Variants in AGXT2 observed in about 807,000 individuals in gnomAD.
AGXT2 encodes the protein alanine--glyoxylate aminotransferase 2.
In AGXT2, 61 loss-of-function variants were observed where a neutral mutation model predicts 62.5. The ratio of observed to expected loss-of-function variants is 0.98; its 90% confidence interval spans 0.79 to 1.21. The LOEUF (loss-of-function observed/expected upper bound fraction) is 1.21, where lower values mean the gene tolerates loss of function less well. Ranked by LOEUF, AGXT2 falls within the 50% of genes most tolerant of loss-of-function variation. The pLI, the probability that AGXT2 is intolerant of heterozygous loss-of-function variation, is 0.00. For synonymous variants in AGXT2, 243 were observed against 218.7 expected (o/e 1.11, Z -0.98); for missense variants, 666 against 641.5 (o/e 1.04, Z -0.41).
chr5:35,032,837 A>C lies in AGXT2; in HGVS notation c.676-12T>G. On this transcript the variant is annotated splice_polypyrimidine_tract_variant and intron_variant, in intron 6 of 13. Coordinates refer to ENST00000231420, the MANE Select transcript of AGXT2 (RefSeq NM_031900.4). ...TCTGGACACATTGTCTGCAAATGAC[A>C]AAAGAAGGAGTGTGGCAAAGCATGA... 6.3e-7 allele frequency: 1 copy of C among 1,593,232 alleles called. No homozygotes were observed. Among genetic ancestry groups the C allele is most frequent in the Non-Finnish European group, 8.6e-7 (1 of 1,167,922 alleles).
chr5:35,045,751 C>CTTTTTCT (rs1412875660), intron 1 of AGXT2, among the ~76,000 whole-genome samples: 3 of 133,226 alleles, frequency 2.3e-5, no homozygotes, highest in Admixed American at 7.8e-5. Flanking sequence ...TGGTTTTTTT[C>CTTTTTCT]TTTTTCTTTT....
At position 34,998,784 on chromosome 5, in the gene AGXT2, C is replaced by T. The variant is rs1766122106; in HGVS notation, c.1480G>A (p.Val494Ile). ...APSMCITKPE[V>I]DFAVEVFRSA... ...CGAAATACTTCTACTGCAAAATCAA[C>T]TTCTGGTTTAGTGATGCACATTGAG... is the stretch of plus-strand genomic sequence containing the variant. Residue 494 changes from valine to isoleucine, a missense_variant, in exon 14 of 14, where the codon GTT (valine) becomes ATT (isoleucine). Coordinates refer to ENST00000231420, the MANE Select transcript of AGXT2 (RefSeq NM_031900.4). The T allele has an allele frequency of 6.2e-7, 1 of 1,614,026 alleles. No individual in the cohort carries two copies. The highest frequency in any genetic ancestry group is 1.1e-5 in the South Asian group (1 of 91,086).
intron 12 of AGXT2, 52 bp downstream of exon 12, chr5:35,009,948 T>C: frequency 6.2e-7 from 1 of 1,612,052 alleles, no homozygotes; most frequent in Non-Finnish European, 8.5e-7. Flanking sequence ...TTTCCTCCTA[T>C]ATCTCCTGCT....
At chr5:35,028,277 A>C (rs1767434837) in intron 7 of AGXT2, among the ~76,000 whole-genome samples, 1 of 152,048 alleles carries the variant, frequency 6.6e-6, no homozygotes, top group Admixed American at 6.6e-5. Context: ...CACTGGAGAA[A>C]ACCCAGGCTA....
intron 9 of AGXT2, among the ~76,000 whole-genome samples, chr5:35,015,052 G>A (rs145501075): frequency 6.6e-6 from 1 of 152,148 alleles, no homozygotes; most frequent in Non-Finnish European, 1.5e-5. Context: ...CATGCTGTTC[G>A]CTCTTTCTAG....
intron 8 of AGXT2, 84 bp downstream of exon 8, chr5:35,026,326 T>C: frequency 8.7e-7 from 1 of 1,146,022 alleles, no homozygotes. Flanking sequence ...CTTAATTCAT[T>C]TGGAATTCTC....
chr5:35,004,308 C>T (rs78078037), intron 12 of AGXT2, among the ~76,000 whole-genome samples: 14,004 of 152,278 alleles, frequency 0.092, 840 homozygotes, highest in South Asian at 0.16. Context: ...GCACCAGCAG[C>T]CTGAGCTTTC....
At position 35,040,593 on chromosome 5, in the gene AGXT2, G is replaced by T. The variant is rs769046851; in HGVS notation, c.159C>A (p.Phe53Leu). The part of the protein sequence containing the change: ...HTKPRMPPCD[F>L]MPERYQSLGY... ...ATCTCACCTGGTATCTTTCAGGCAT[G>T]AAGTCACATGGAGGCATTCTGGGCT... Residue 53 changes from phenylalanine to leucine, a missense_variant, in exon 2 of 14, where the codon TTC (phenylalanine) becomes TTA (leucine). Phe to Leu is a conservative substitution (Grantham distance 22). Transcript: ENST00000231420. 2 of 1,613,842 alleles carry T rather than the reference G, an allele frequency of 1.2e-6. No homozygotes were observed. The highest frequency in any genetic ancestry group is 2.2e-5 in the South Asian group (2 of 91,078).
intron 13 of AGXT2, among the ~76,000 whole-genome samples, chr5:34,999,902 C>T (rs182160300): frequency 7.2e-5 from 11 of 152,260 alleles, no homozygotes; most frequent in South Asian, 4.1e-4. Flanking sequence ...CTCCAGGAAA[C>T]GCCCCTTCAA....
intron 13 of AGXT2, among the ~76,000 whole-genome samples, chr5:35,001,152 T>C (rs1766214476): frequency 6.6e-6 from 1 of 152,174 alleles, no homozygotes; most frequent in Non-Finnish European, 1.5e-5. Context: ...TTAGGAGGGG[T>C]TTATCAGGAG....
Position 35,046,013 on chromosome 5 carries a change from C to T in AGXT2, c.88+1792G>A, listed in dbSNP as rs556347487. On this transcript the variant is annotated intron_variant, in intron 1 of 13. Transcript: ENST00000231420. ...CGATCTCCTGACCTCGTGATCCGCC[C>T]GCCTCAGCCTCACAAAGTGCTGGGA... Among the ~76,000 whole-genome samples, 28 of 152,188 alleles carry T rather than the reference C, an allele frequency of 1.8e-4. No homozygotes were observed. The South Asian group carries it at 3.9e-3, about 21-fold the overall frequency.
At chr5:35,021,865 A>T (rs1767106323) in intron 9 of AGXT2, among the ~76,000 whole-genome samples, 1 of 152,238 alleles carries the variant, frequency 6.6e-6, no homozygotes, top group South Asian at 2.1e-4. Flanking sequence ...ATGAACTCTA[A>T]CAAATTTACA....
At position 34,998,826 on chromosome 5, in the gene AGXT2, T is replaced by C; in HGVS notation, c.1438A>G (p.Thr480Ala). The C allele has an allele frequency of 1.2e-6, 2 of 1,607,080 alleles. No homozygotes were observed. Among genetic ancestry groups the C allele is most frequent in the Non-Finnish European group, 1.7e-6 (2 of 1,174,188 alleles). ...LVGRGSIFSQ[T>A]FRIAPSMCIT... ...CACATTGAGGGCGCAATGCGAAATG[T>C]CTGAGGAGACACCAAAAAATAAGAA... The change falls in exon 14 of 14, where the codon ACA (threonine) becomes GCA (alanine). Residue 480 changes from threonine to alanine, a missense_variant and splice_region_variant. Coordinates refer to ENST00000231420, the MANE Select transcript of AGXT2 (RefSeq NM_031900.4).
At chr5:35,032,382 C>T (rs998424769) in intron 7 of AGXT2, among the ~76,000 whole-genome samples, 6 of 152,180 alleles carry the variant, frequency 3.9e-5, no homozygotes, top group Non-Finnish European at 7.3e-5. Flanking sequence ...CATGCCACCA[C>T]GCCCAGCTTG....
chr5:35,036,895 T>G, intron 4 of AGXT2, 47 bp downstream of exon 4: 1 of 1,612,208 alleles, frequency 6.2e-7, no homozygotes, highest in Non-Finnish European at 8.5e-7. Context: ...CATCATACCT[T>G]TTTTTTTCCC....
chr5:35,028,741 C>A (rs1767460498), intron 7 of AGXT2, among the ~76,000 whole-genome samples: 1 of 152,292 alleles, frequency 6.6e-6, no homozygotes, highest in Non-Finnish European at 1.5e-5. Flanking sequence ...AGTCTCTGAA[C>A]TTAAATTTAT....
chr5:35,027,939 G>T (rs1767421478), intron 7 of AGXT2, among the ~76,000 whole-genome samples: 1 of 151,182 alleles, frequency 6.6e-6, no homozygotes, highest in African/African-American at 2.4e-5. Context: ...GCCTGTGAGG[G>T]GTAATATGTT....
In AGXT2 at chr5:35,009,843, T is replaced by C. The variant is rs533034579; in HGVS notation, c.1338+157A>G. Among the ~76,000 whole-genome samples the C allele has an allele frequency of 6.6e-5, 10 of 152,334 alleles. No individual in the cohort carries two copies. In the South Asian group the frequency reaches 2.1e-3, roughly 32 times the overall value. On this transcript the variant is annotated intron_variant, in intron 12 of 13. Coordinates refer to ENST00000231420, the MANE Select transcript of AGXT2 (RefSeq NM_031900.4). Reference sequence around the variant, plus strand: ...TGATGATCTGCCAGCATTTTGTTCATACTCAACACTCTCTACTAATCTCTA... The same window carrying C: ...TGATGATCTGCCAGCATTTTGTTCACACTCAACACTCTCTACTAATCTCTA...
intron 7 of AGXT2, among the ~76,000 whole-genome samples, chr5:35,031,389 T>A (rs979256537): frequency 1.3e-5 from 2 of 152,240 alleles, no homozygotes; most frequent in Admixed American, 1.3e-4. Flanking sequence ...GTCATCTGAA[T>A]TTTAAGACGA....
Sources: gnomAD v4.1 joint callset for allele counts (sites outside exome capture counted in the v4.1 genomes callset) on GRCh38, gnomAD v4.1.1 for gene constraint, MANE v1.5 for transcripts, NCBI Gene and HGNC (gene_info 2026-07-23, HGNC 2026-07-21) for gene names.